The following SORL1-AS1 variants were observed in gnomAD, a reference collection of about 807,000 sequenced individuals.
SORL1-AS1 encodes the protein SORL1 antisense RNA 1.
intron 1 of SORL1-AS1, among the ~76,000 whole-genome samples, chr11:121,451,926 G>A (rs1186495265): frequency 6.6e-6 from 1 of 152,110 alleles, no homozygotes; most frequent in African/African-American, 2.4e-5. Context: ...CCCTGTATAG[G>A]ACGCAACTAA....
At chr11:121,438,249 C>T in the SORL1-AS1 span, among the ~76,000 whole-genome samples, 45 of 152,278 alleles carry the variant, frequency 3.0e-4, no homozygotes, top group African/African-American at 1.0e-3. Flanking sequence ...TTAAATACTT[C>T]CAGTGCCAAA....
chr11:121,452,902 G>T lies in SORL1-AS1; in HGVS notation n.112C>A. 1 of 364,312 alleles carries T rather than the reference G, an allele frequency of 2.7e-6. No homozygotes were observed. The highest frequency in any genetic ancestry group is 4.9e-6 in the Non-Finnish European group (1 of 203,150). 22.6% of individuals were successfully genotyped at this position (364,312 alleles called of 1,614,324 possible). On this transcript the variant is annotated non_coding_transcript_exon_variant, in exon 1 of 2. Transcript: ENST00000501964. This position sits in a 1 kb window ranked among gnomAD's most constrained non-coding sequence, Gnocchi z 5.3. ...ATGTAGTTTCCGGCAGGTATAGGAG[G>T]GGTGCAGCTTCATTTTACATCTGGA...
downstream of SORL1-AS1, among the ~76,000 whole-genome samples, chr11:121,444,662 T>C (rs1860702481): frequency 6.6e-6 from 1 of 152,056 alleles, no homozygotes; most frequent in Non-Finnish European, 1.5e-5. Context: ...CTGACTTCAG[T>C]GGGCAGGATA....
At chr11:121,446,428 C>A (rs935840376), downstream of SORL1-AS1, among the ~76,000 whole-genome samples, 19 of 151,952 alleles carry the variant, frequency 1.3e-4, no homozygotes, top group Non-Finnish European at 2.6e-4. Flanking sequence ...GAAAAGGGGT[C>A]TGGGGGATCC....
downstream of SORL1-AS1, among the ~76,000 whole-genome samples, chr11:121,445,709 C>T (rs780417196): frequency 2.0e-5 from 3 of 152,076 alleles, no homozygotes; most frequent in Non-Finnish European, 2.9e-5. Context: ...CAGCTCATAA[C>T]GTCTTATTCT....
At chr11:121,441,222 C>T in the SORL1-AS1 span, among the ~76,000 whole-genome samples, 1 of 152,058 alleles carries the variant, frequency 6.6e-6, no homozygotes, top group Non-Finnish European at 1.5e-5. Flanking sequence ...TACATGAATG[C>T]TTAGAATAAG....
At chr11:121,443,206 T>C (rs1860684248), downstream of SORL1-AS1, among the ~76,000 whole-genome samples, 1 of 152,184 alleles carries the variant, frequency 6.6e-6, no homozygotes, top group Admixed American at 6.5e-5. Context: ...TGCTAATTAG[T>C]AAAAAATCAC....
At chr11:121,444,098 GT>G (rs1187674805), downstream of SORL1-AS1, among the ~76,000 whole-genome samples, 2 of 106,222 alleles carry the variant, frequency 1.9e-5, no homozygotes, top group Non-Finnish European at 4.2e-5. Flanking sequence ...GCGCGTGGGT[GT>G]GTGTGTGTGT....
chr11:121,441,920 G>A, the SORL1-AS1 span, among the ~76,000 whole-genome samples: 8 of 152,286 alleles, frequency 5.3e-5, no homozygotes, highest in Admixed American at 3.3e-4. Flanking sequence ...CTAAAAACCC[G>A]TGTGCCACTA....
downstream of SORL1-AS1, among the ~76,000 whole-genome samples, chr11:121,442,836 G>A (rs1422749299): frequency 8.0e-5 from 12 of 149,860 alleles, no homozygotes; most frequent in Non-Finnish European, 1.5e-4. Context: ...CCACCACCAC[G>A]CCCGGCTAAT....
At chr11:121,446,618 A>G (rs374490045), downstream of SORL1-AS1, among the ~76,000 whole-genome samples, 184 of 152,126 alleles carry the variant, frequency 1.2e-3, no homozygotes, top group African/African-American at 4.1e-3. Flanking sequence ...AGGTGTGATG[A>G]CACATGCCTA....
exon 2 of SORL1-AS1, chr11:121,448,579 T>G (rs1370100186): frequency 6.6e-6 from 1 of 152,116 alleles, no homozygotes; most frequent in African/African-American, 2.4e-5. Flanking sequence ...GGGAAGCAGA[T>G]GGTGGTAAGA....
At chr11:121,444,085 T>C (rs571171761), downstream of SORL1-AS1, among the ~76,000 whole-genome samples, 13 of 147,866 alleles carry the variant, frequency 8.8e-5, 1 homozygote, top group South Asian at 2.7e-3. Flanking sequence ...TGTGTGTGTG[T>C]GTGCGCGTGG....
chr11:121,445,204 G>A (rs1471812912), downstream of SORL1-AS1, among the ~76,000 whole-genome samples: 2 of 152,176 alleles, frequency 1.3e-5, no homozygotes, highest in East Asian at 3.9e-4. Flanking sequence ...AATTTCCAGG[G>A]TGATGGATTT....
chr11:121,443,648 G>A (rs1860689995), downstream of SORL1-AS1, among the ~76,000 whole-genome samples: 1 of 152,224 alleles, frequency 6.6e-6, no homozygotes, highest in Non-Finnish European at 1.5e-5. Flanking sequence ...TGCTCTAAGT[G>A]TGATTGGCAC....
intron 1 of SORL1-AS1, among the ~76,000 whole-genome samples, chr11:121,451,269 T>G (rs180769206): frequency 1.5e-3 from 225 of 152,334 alleles, no homozygotes; most frequent in African/African-American, 5.2e-3. Flanking sequence ...AATATTTTCC[T>G]TGGGCGTACC....
chr11:121,443,821 C>T (rs946639835), downstream of SORL1-AS1, among the ~76,000 whole-genome samples: 9 of 152,120 alleles, frequency 5.9e-5, no homozygotes, highest in African/African-American at 1.9e-4. Flanking sequence ...AGTGGGCTTG[C>T]TTGGACAAGA....
At chr11:121,441,367 CAAAA>C in the SORL1-AS1 span, among the ~76,000 whole-genome samples, 1 of 132,824 alleles carries the variant, frequency 7.5e-6, no homozygotes, top group Admixed American at 7.5e-5. Context: ...ACTAAAAATA[CAAAA>C]AAAAAAAAAA....
exon 2 of SORL1-AS1, chr11:121,449,849 G>A (rs1860767554): frequency 6.6e-6 from 1 of 152,216 alleles, no homozygotes. Context: ...CTTCCACTGC[G>A]TTCTGTAGTT....
Sources: allele counts gnomAD v4.1 joint callset (sites outside exome capture counted in the v4.1 genomes callset), GRCh38; gene constraint gnomAD v4.1.1; non-coding constraint Gnocchi (gnomAD v3.1); transcripts MANE v1.5; gene names NCBI Gene and HGNC (gene_info 2026-07-23, HGNC 2026-07-21).